Variants in GPC5 observed in about 807,000 individuals in gnomAD.
The protein encoded by GPC5 is glypican-5.
A neutral mutation model predicts 53.9 loss-of-function variants in GPC5; 47 were observed. The ratio of observed to expected loss-of-function variants is 0.87; its 90% CI spans 0.69 to 1.11. The LOEUF is 1.11. GPC5 is among the 50% of genes most tolerant of loss of function. The pLI, the probability that GPC5 is intolerant of heterozygous loss-of-function variation, is 0.00. For synonymous variants in GPC5, 286 were observed against 263.3 expected (o/e 1.09, Z -0.84); for missense variants, 748 against 713.1 (o/e 1.05, Z -0.56).
intron 7 of GPC5, among the ~76,000 whole-genome samples, chr13:92,473,014 A>G (rs1344792219): frequency 1.3e-5 from 2 of 152,044 alleles, no homozygotes; most frequent in African/African-American, 4.8e-5. Flanking sequence ...ATTAATAACC[A>G]TTTGCCCATT....
At chr13:92,836,566 C>A (rs1435311942) in intron 7 of GPC5, among the ~76,000 whole-genome samples, 2 of 152,070 alleles carry the variant, frequency 1.3e-5, no homozygotes, top group African/African-American at 2.4e-5. Context: ...TGCTCAGATA[C>A]CCAATAAGGC....
intron 5 of GPC5, among the ~76,000 whole-genome samples, chr13:91,788,404 T>A (rs1038868090): frequency 6.6e-6 from 1 of 152,150 alleles, no homozygotes; most frequent in South Asian, 2.1e-4. Flanking sequence ...CTTCAACATA[T>A]GAATATTGGG....
chr13:91,643,538 G>A (rs1380944013), intron 2 of GPC5, among the ~76,000 whole-genome samples: 1 of 152,108 alleles, frequency 6.6e-6, no homozygotes, highest in Non-Finnish European at 1.5e-5. Context: ...TGATATTTTG[G>A]TGATGTTAGG....
intron 7 of GPC5, among the ~76,000 whole-genome samples, chr13:92,862,539 A>G (rs558965959): frequency 1.3e-5 from 2 of 152,152 alleles, no homozygotes; most frequent in Non-Finnish European, 2.9e-5. Flanking sequence ...AGATATATAT[A>G]TAGATAGATA....
intron 2 of GPC5, among the ~76,000 whole-genome samples, chr13:91,660,468 A>C (rs982214122): frequency 2.6e-5 from 4 of 152,208 alleles, no homozygotes; most frequent in African/African-American, 9.6e-5. Flanking sequence ...CTTGGAGATG[A>C]CTGCATTCCC....
chr13:92,206,902 CA>C lies in GPC5; in HGVS notation c.1561+61917del, dbSNP rs2042341867. 2.0e-5 allele frequency among the ~76,000 whole-genome samples: 3 copies of C among 152,196 alleles called. No individual in the cohort carries two copies. The South Asian group carries it at 6.2e-4, about 32-fold the overall frequency. On this transcript the variant is annotated intron_variant, in intron 7 of 7. Coordinates refer to ENST00000377067, the MANE Select transcript of GPC5 (RefSeq NM_004466.6). ...GTTTACATTTAACCTTGCCAGGTTC[CA>C]AAAGATGGAATGGTCTTCACCCTTT...
chr13:92,109,596 T>C (rs1398027337), intron 6 of GPC5, among the ~76,000 whole-genome samples: 2 of 152,196 alleles, frequency 1.3e-5, no homozygotes, highest in South Asian at 2.1e-4. Context: ...GCCAGGGTTA[T>C]AGAATGATGA....
At chr13:92,027,063 C>G (rs967306879) in intron 6 of GPC5, among the ~76,000 whole-genome samples, 1 of 152,078 alleles carries the variant, frequency 6.6e-6, no homozygotes, top group African/African-American at 2.4e-5. Context: ...TTACAGTCAC[C>G]AATGAATTAA....
intron 5 of GPC5, among the ~76,000 whole-genome samples, chr13:91,761,803 C>T (rs778387791): frequency 1.3e-5 from 2 of 152,108 alleles, no homozygotes; most frequent in Non-Finnish European, 2.9e-5. Context: ...ATGGAGACTT[C>T]ATTATGGAGA....
At chr13:91,889,273 C>T (rs752122656) in intron 5 of GPC5, among the ~76,000 whole-genome samples, 1 of 152,130 alleles carries the variant, frequency 6.6e-6, no homozygotes, top group Non-Finnish European at 1.5e-5. Context: ...GGAGAGGTAA[C>T]TACCATCTTA....
intron 7 of GPC5, among the ~76,000 whole-genome samples, chr13:92,261,323 G>C (rs1472605438): frequency 6.6e-6 from 1 of 152,090 alleles, no homozygotes; most frequent in Non-Finnish European, 1.5e-5. Flanking sequence ...TATTCAGTGT[G>C]TTACATGTTG....
chr13:91,752,848 C>T (rs2037208373), intron 4 of GPC5, among the ~76,000 whole-genome samples: 2 of 152,168 alleles, frequency 1.3e-5, no homozygotes, highest in South Asian at 4.1e-4. Context: ...ATGAGTGCTG[C>T]TTTGAAATGT....
At chr13:91,831,663 T>A (rs1205297474) in intron 5 of GPC5, among the ~76,000 whole-genome samples, 1 of 150,946 alleles carries the variant, frequency 6.6e-6, no homozygotes, top group Non-Finnish European at 1.5e-5. Flanking sequence ...ATATCATTAA[T>A]CCTAAAACTT....
intron 5 of GPC5, among the ~76,000 whole-genome samples, chr13:91,786,471 T>C (rs2037880886): frequency 6.6e-6 from 1 of 152,180 alleles, no homozygotes; most frequent in Non-Finnish European, 1.5e-5. Context: ...TTTGATTTTT[T>C]TATTTTTTAA....
At chr13:92,864,945 T>C (rs1278425926) in intron 7 of GPC5, among the ~76,000 whole-genome samples, 1 of 152,182 alleles carries the variant, frequency 6.6e-6, no homozygotes, top group Non-Finnish European at 1.5e-5. Context: ...GTAATTACCA[T>C]GTCAATATTT....
chr13:92,256,160 T>C (rs976082382), intron 7 of GPC5, among the ~76,000 whole-genome samples: 8 of 151,600 alleles, frequency 5.3e-5, no homozygotes, highest in Non-Finnish European at 1.5e-5. Flanking sequence ...AATATAGATA[T>C]AATATATAGA....
At chr13:91,624,287 T>G (rs751905662) in intron 2 of GPC5, among the ~76,000 whole-genome samples, 2 of 152,074 alleles carry the variant, frequency 1.3e-5, no homozygotes, top group Non-Finnish European at 2.9e-5. Context: ...GACAAAATGG[T>G]CAAAAGCACT....
At chr13:92,531,748 C>T (rs1167569645) in intron 7 of GPC5, among the ~76,000 whole-genome samples, 2 of 152,162 alleles carry the variant, frequency 1.3e-5, no homozygotes, top group Non-Finnish European at 2.9e-5. Flanking sequence ...CTGATCTCCA[C>T]TGTCAGCGAT....
chr13:92,167,951 G>C (rs116708554), intron 7 of GPC5, among the ~76,000 whole-genome samples: 1,897 of 152,240 alleles, frequency 0.012, 33 homozygotes, highest in African/African-American at 0.044. Context: ...ATCCAACGAG[G>C]AGGTCCAAAC....
Sources: gnomAD v4.1 joint callset for allele counts (sites outside exome capture counted in the v4.1 genomes callset) on GRCh38, gnomAD v4.1.1 for gene constraint, MANE v1.5 for transcripts, NCBI Gene and HGNC (gene_info 2026-07-23, HGNC 2026-07-21) for gene names.